Variants in FHIP1A observed in about 807,000 individuals in gnomAD.
The protein encoded by FHIP1A is FHF complex subunit HOOK-interacting protein 1A.
In FHIP1A, 61 loss-of-function variants were observed where a neutral mutation model predicts 88.6. That is an observed-to-expected ratio of 0.69 (90% CI 0.56 to 0.85). The LOEUF (loss-of-function observed/expected upper bound fraction) is 0.85, where lower values mean the gene tolerates loss of function less well. FHIP1A is among the 40% of genes least tolerant of loss of function. The pLI is 0.00. For missense variants in FHIP1A, 1,154 were observed against 1,273.5 expected, an observed-to-expected ratio of 0.91 and a Z score of 1.43; for synonymous variants, 478 against 496.0, an observed-to-expected ratio of 0.96 and a Z score of 0.48.
chr4:151,552,306 C>A (rs981396301), intron 3 of FHIP1A, among the ~76,000 whole-genome samples: 1 of 152,150 alleles, frequency 6.6e-6, no homozygotes, highest in African/African-American at 2.4e-5. Context: ...TACCATTTGA[C>A]CCAGCAATCC....
Position 151,665,857 on chromosome 4 carries a change from CT to C in FHIP1A, c.*3105del, listed in dbSNP as rs534017077. Among the ~76,000 whole-genome samples the C allele has an allele frequency of 1.2e-3, 177 of 152,362 alleles. No homozygotes were observed. The highest frequency in any genetic ancestry group is 2.0e-3 in the Non-Finnish European group (138 of 68,036). On this transcript the variant is annotated 3_prime_UTR_variant, in exon 14 of 14. Coordinates refer to ENST00000435205, the MANE Select transcript of FHIP1A (RefSeq NM_001109977.3). ...AAGATATGGTCCGAGAGTGTGGACA[CT>C]TCTCTATGTGACAGGCTCCTACACC... is the stretch of plus-strand genomic sequence containing the variant.
At chr4:151,509,953 C>A (rs966406552) in intron 3 of FHIP1A, among the ~76,000 whole-genome samples, 5 of 152,126 alleles carry the variant, frequency 3.3e-5, no homozygotes, top group African/African-American at 1.2e-4. Context: ...TCTAAAGTAT[C>A]TTTAAAACAT....
At chr4:151,419,265 T>A (rs1359861370) in intron 1 of FHIP1A, among the ~76,000 whole-genome samples, 1 of 152,184 alleles carries the variant, frequency 6.6e-6, no homozygotes, top group East Asian at 1.9e-4. Flanking sequence ...TCTCTCTCTC[T>A]CTGTTTGACT....
chr4:151,431,491 C>G (rs1422669652), intron 1 of FHIP1A, among the ~76,000 whole-genome samples: 2 of 151,964 alleles, frequency 1.3e-5, no homozygotes, highest in Admixed American at 1.3e-4. Context: ...TTATCACTTA[C>G]CTGACTGTCG....
intron 2 of FHIP1A, among the ~76,000 whole-genome samples, chr4:151,477,627 C>A (rs984637766): frequency 2.0e-5 from 3 of 151,994 alleles, no homozygotes; most frequent in African/African-American, 7.2e-5. Flanking sequence ...TAATAAAAAG[C>A]TCCTAAAATC....
At chr4:151,642,455 A>AAAC (rs201679670) in intron 9 of FHIP1A, among the ~76,000 whole-genome samples, 1,531 of 151,806 alleles carry the variant, frequency 0.01, 17 homozygotes, top group African/African-American at 0.028. Context: ...GAGGAAAGGA[A>AAAC]AACAACAACA....
chr4:151,574,162 T>C (rs187599459), intron 4 of FHIP1A, among the ~76,000 whole-genome samples: 2 of 152,368 alleles, frequency 1.3e-5, no homozygotes, highest in East Asian at 1.9e-4. Context: ...AGCACTTTGC[T>C]GAGCCTTGTG....
In FHIP1A at chr4:151,626,703, A is replaced by C. The variant is rs80234827; in HGVS notation, c.979-2999A>C. Among the ~76,000 whole-genome samples the C allele has an allele frequency of 5.2e-3, 791 of 152,340 alleles. 5 individuals are homozygous for C. The highest frequency in any genetic ancestry group is 0.018 in the African/African-American group (769 of 41,568). Reference sequence around the variant, plus strand: ...TCTATGTAAATTCGTAGCTACCTGCAATTCTTTATAAAACAAATTAAATAA... The same window carrying C: ...TCTATGTAAATTCGTAGCTACCTGCCATTCTTTATAAAACAAATTAAATAA... On this transcript the variant is annotated intron_variant, in intron 7 of 13. Transcript: ENST00000435205.
chr4:151,427,959 G>T (rs1386556271), intron 1 of FHIP1A, among the ~76,000 whole-genome samples: 1 of 152,118 alleles, frequency 6.6e-6, no homozygotes, highest in Non-Finnish European at 1.5e-5. Flanking sequence ...CATCCTTTTA[G>T]AGTTATAAAA....
intron 9 of FHIP1A, 95 bp from the exon 10 acceptor site, chr4:151,646,463 C>T (rs1018207810): frequency 2.5e-6 from 2 of 792,470 alleles, no homozygotes; most frequent in East Asian, 2.7e-5. Context: ...TGAGTCTGCC[C>T]CTGGCCACAA....
At chr4:151,596,378 G>A (rs1268293342) in intron 7 of FHIP1A, among the ~76,000 whole-genome samples, 1 of 152,188 alleles carries the variant, frequency 6.6e-6, no homozygotes, top group Non-Finnish European at 1.5e-5. Context: ...TAGGGTTTCT[G>A]CAGAGAGATC....
chr4:151,508,808 T>C (rs536177786), intron 3 of FHIP1A, among the ~76,000 whole-genome samples: 1 of 152,236 alleles, frequency 6.6e-6, no homozygotes, highest in African/African-American at 2.4e-5. Flanking sequence ...TGCTCAAAGA[T>C]TGGAAAAGTC....
intron 4 of FHIP1A, among the ~76,000 whole-genome samples, chr4:151,574,142 A>G (rs959331821): frequency 3.3e-5 from 5 of 152,230 alleles, no homozygotes; most frequent in African/African-American, 1.2e-4. Context: ...GTGGCAACAC[A>G]AGCATAATCA....
Position 151,646,766 on chromosome 4 carries a change from A to T in FHIP1A, c.1417+18A>T. On this transcript the variant is annotated intron_variant, in intron 10 of 13. Coordinates refer to ENST00000435205, the MANE Select transcript of FHIP1A (RefSeq NM_001109977.3). The stretch of plus-strand genomic sequence containing the variant: ...CACTTCAGGTAGGAACTCGCTAGTG[A>T]TGATCTTTAAACAAAAGGATGCCAG... 6.6e-7 allele frequency: 1 copy of T among 1,515,220 alleles called. No homozygotes were observed. 93.9% of individuals were successfully genotyped at this position (1,515,220 alleles called of 1,614,324 possible).
intron 5 of FHIP1A, among the ~76,000 whole-genome samples, chr4:151,585,246 C>T (rs1404242698): frequency 1.3e-5 from 2 of 152,016 alleles, no homozygotes; most frequent in Non-Finnish European, 2.9e-5. Flanking sequence ...GGTCCAATCT[C>T]GGCTCACTGC....
intron 7 of FHIP1A, among the ~76,000 whole-genome samples, chr4:151,621,754 T>C (rs1735755407): frequency 6.6e-6 from 1 of 152,116 alleles, no homozygotes; most frequent in Non-Finnish European, 1.5e-5. Context: ...ATTGTCTTAT[T>C]AATCAGGAAG....
chr4:151,573,735 A>C (rs1003886545), intron 4 of FHIP1A, among the ~76,000 whole-genome samples: 1 of 152,000 alleles, frequency 6.6e-6, no homozygotes, highest in Non-Finnish European at 1.5e-5. Flanking sequence ...CATCCATAGC[A>C]CTGGAAGGTA....
chr4:151,617,680 G>A (rs1735593923), intron 7 of FHIP1A, among the ~76,000 whole-genome samples: 1 of 152,184 alleles, frequency 6.6e-6, no homozygotes, highest in African/African-American at 2.4e-5. Flanking sequence ...GAGGTCAGGA[G>A]TTCAAGACCA....
At chr4:151,603,195 C>T (rs1202195940) in intron 7 of FHIP1A, among the ~76,000 whole-genome samples, 5 of 151,950 alleles carry the variant, frequency 3.3e-5, no homozygotes. Context: ...TGCCTGTAGT[C>T]CCAGCTACTC....
Sources: gnomAD v4.1 joint callset for allele counts (sites outside exome capture counted in the v4.1 genomes callset) on GRCh38, gnomAD v4.1.1 for gene constraint, MANE v1.5 for transcripts, NCBI Gene and HGNC (gene_info 2026-07-23, HGNC 2026-07-21) for gene names.